The following PARD3B variants were observed in gnomAD, a reference collection of about 807,000 sequenced individuals.
PARD3B encodes the protein par-3 family cell polarity regulator beta, also known as partitioning defective 3 homolog B.
A neutral mutation model predicts 130.2 loss-of-function variants in PARD3B; 103 were observed. The ratio of observed to expected loss-of-function variants is 0.79; its 90% CI spans 0.67 to 0.93. The LOEUF (loss-of-function observed/expected upper bound fraction) is 0.93, where lower values mean the gene tolerates loss of function less well. Among genes scored for constraint, PARD3B ranks in the 40% least tolerant of loss-of-function variants. PARD3B has a pLI of 0.00. For missense variants in PARD3B, 1,609 were observed against 1,499.2 expected, an observed-to-expected ratio of 1.07 and a Z score of -1.21; for synonymous variants, 583 against 553.2, an observed-to-expected ratio of 1.05 and a Z score of -0.76.
rs564828469 is a variant in PARD3B at position 205,590,146 on chromosome 2, C to T, written c.3261-25310C>T. Among the ~76,000 whole-genome samples, 6 of 152,194 alleles carry T rather than the reference C, an allele frequency of 3.9e-5. No homozygotes were observed. The highest frequency in any genetic ancestry group is 2.1e-4 in the South Asian group (1 of 4,808). On this transcript the variant is annotated intron_variant, in intron 22 of 22. Transcript: ENST00000406610. This position sits in a 1 kb window ranked among gnomAD's most constrained non-coding sequence, Gnocchi z 4.1. ...TTATTGTTCTCTCTACATATTATTC[C>T]GATGCTTTATTTATCCAATACAGGA... is the stretch of plus-strand genomic sequence containing the variant.
At chr2:205,374,073 C>T (rs2044931983) in intron 18 of PARD3B, among the ~76,000 whole-genome samples, 1 of 151,510 alleles carries the variant, frequency 6.6e-6, no homozygotes, top group African/African-American at 2.4e-5. Flanking sequence ...ATGAGAAAGC[C>T]AGGAGGCTGA....
chr2:204,771,074 G>T (rs2041353457), intron 2 of PARD3B, among the ~76,000 whole-genome samples: 1 of 152,078 alleles, frequency 6.6e-6, no homozygotes, highest in Admixed American at 6.6e-5. Context: ...GAATAGCCTA[G>T]ACCCTCTTAA....
chr2:205,238,912 ATG>A (rs1352333089), intron 15 of PARD3B, among the ~76,000 whole-genome samples: 1 of 115,158 alleles, frequency 8.7e-6, no homozygotes, highest in Non-Finnish European at 1.8e-5. Flanking sequence ...ATATATATGT[ATG>A]TGTATATATA....
At chr2:205,511,721 T>G (rs1380767081) in intron 21 of PARD3B, among the ~76,000 whole-genome samples, 3 of 152,208 alleles carry the variant, frequency 2.0e-5, no homozygotes, top group African/African-American at 7.2e-5. Flanking sequence ...AGTGAAGATG[T>G]CTGGAGTCGA....
intron 2 of PARD3B, among the ~76,000 whole-genome samples, chr2:204,878,759 G>T (rs879353048): frequency 1.3e-5 from 2 of 152,176 alleles, no homozygotes; most frequent in Non-Finnish European, 2.9e-5. Flanking sequence ...GGAATGTGAA[G>T]TGGGTCCTGC....
intron 2 of PARD3B, among the ~76,000 whole-genome samples, chr2:204,724,522 T>C (rs1432750154): frequency 6.6e-6 from 1 of 152,174 alleles, no homozygotes; most frequent in African/African-American, 2.4e-5. Context: ...AATTTGCTTT[T>C]CACTGTTTTG....
chr2:204,823,124 C>T (rs1430182785), intron 2 of PARD3B, among the ~76,000 whole-genome samples: 1 of 152,004 alleles, frequency 6.6e-6, no homozygotes, highest in African/African-American at 2.4e-5. Flanking sequence ...TGTTATAGGA[C>T]AGTTGGTTAT....
rs971814361 is a variant in PARD3B, at chr2:205,499,599, G to A, written c.3045-297G>A. Among the ~76,000 whole-genome samples the A allele has an allele frequency of 2.0e-5, 3 of 152,022 alleles. No individual in the cohort carries two copies. The South Asian group carries it at 6.2e-4, about 32-fold the overall frequency. On this transcript the variant is annotated intron_variant, in intron 20 of 22. Coordinates refer to ENST00000406610, the MANE Select transcript of PARD3B (RefSeq NM_001302769.2). ...CAAAACTCTGTGTGTGTGATTATAA[G>A]AAAAAAGTGGTGGGCCTTTTAATTG...
At chr2:205,480,461 G>T (rs1200990716) in intron 20 of PARD3B, among the ~76,000 whole-genome samples, 1 of 152,154 alleles carries the variant, frequency 6.6e-6, no homozygotes, top group Non-Finnish European at 1.5e-5. Context: ...CTCTTCATTG[G>T]TTTGTGTATT....
intron 3 of PARD3B, among the ~76,000 whole-genome samples, chr2:205,030,165 G>C (rs918456104): frequency 2.0e-5 from 3 of 152,124 alleles, no homozygotes; most frequent in Non-Finnish European, 2.9e-5. Flanking sequence ...CCCACAGATT[G>C]AGAAAACCCT....
intron 2 of PARD3B, among the ~76,000 whole-genome samples, chr2:204,959,053 A>G (rs1690522616): frequency 1.3e-5 from 2 of 152,008 alleles, no homozygotes; most frequent in South Asian, 2.1e-4. Flanking sequence ...GCGGTTTGCT[A>G]TACCTATCAA....
chr2:204,762,668 G>A (rs1307421728), intron 2 of PARD3B, among the ~76,000 whole-genome samples: 9 of 151,534 alleles, frequency 5.9e-5, no homozygotes, highest in African/African-American at 2.2e-4. Context: ...TTTCCCATTT[G>A]TTATTGTTTT....
chr2:205,465,546 T>C (rs888800966), intron 20 of PARD3B, among the ~76,000 whole-genome samples: 1 of 152,250 alleles, frequency 6.6e-6, no homozygotes, highest in African/African-American at 2.4e-5. Context: ...AAACTTTCCT[T>C]GTGGGAAGTA....
rs55688873 is a variant in PARD3B, at chr2:204,838,349, ATGTGTGTGTG to A, written c.223-126771_223-126762del. On this transcript the variant is annotated intron_variant, in intron 2 of 22. Transcript: ENST00000406610. Reference sequence around the variant, plus strand: ...AGGCACCCGCCACCATACCTGGCTAATGTGTGTGTGTGTGTGTGTGTGTGTGTGTGTGTGT... The same window carrying A: ...AGGCACCCGCCACCATACCTGGCTAATGTGTGTGTGTGTGTGTGTGTGTGT... Among the ~76,000 whole-genome samples, 741 of 135,412 alleles carry A rather than the reference ATGTGTGTGTG, an allele frequency of 5.5e-3. 4 individuals are homozygous for A. The highest frequency in any genetic ancestry group is 6.6e-3 in the Non-Finnish European group (412 of 62,294). 88.8% of individuals were successfully genotyped at this position (135,412 alleles called of 152,430 possible). A position where few individuals can be genotyped will look rare whatever the true frequency, so the allele number is the denominator to read the frequency against.
intron 19 of PARD3B, among the ~76,000 whole-genome samples, chr2:205,437,589 A>G (rs1266226892): frequency 6.6e-6 from 1 of 152,174 alleles, no homozygotes; most frequent in Admixed American, 6.5e-5. Context: ...ATTATTTCAA[A>G]TTTAATTTTA....
At chr2:205,345,026 G>C (rs1285132740) in intron 18 of PARD3B, among the ~76,000 whole-genome samples, 1 of 152,104 alleles carries the variant, frequency 6.6e-6, no homozygotes, top group African/African-American at 2.4e-5. Context: ...CATAACCATG[G>C]AGCTGAAAAC....
At chr2:205,051,204 C>G (rs555193644) in intron 4 of PARD3B, among the ~76,000 whole-genome samples, 4 of 151,744 alleles carry the variant, frequency 2.6e-5, no homozygotes, top group Admixed American at 2.6e-4. Flanking sequence ...TTGTACTTGG[C>G]GCTTCCTTCA....
chr2:205,539,903 T>C (rs2052046414), intron 21 of PARD3B, among the ~76,000 whole-genome samples: 1 of 152,178 alleles, frequency 6.6e-6, no homozygotes, highest in Non-Finnish European at 1.5e-5. Context: ...AGTATGAGGC[T>C]TTGATGTAGC....
rs1217774692 is a variant in PARD3B at position 205,059,987 on chromosome 2, AGAC to A, written c.504+12303_504+12305del. 2.0e-5 allele frequency among the ~76,000 whole-genome samples: 3 copies of A among 152,196 alleles called. No homozygotes were observed. The East Asian group carries it at 5.8e-4, about 29-fold the overall frequency. ...TTCAGCTTTATTGCCTCCATTTTAC[AGAC>A]GACGAAGTTCAGGCTCAAACGAGTT... is the stretch of plus-strand genomic sequence containing the variant. On this transcript the variant is annotated intron_variant, in intron 4 of 22. Transcript: ENST00000406610.
Sources: gnomAD v4.1 joint callset for allele counts (sites outside exome capture counted in the v4.1 genomes callset) on GRCh38, gnomAD v4.1.1 for gene constraint, Gnocchi (gnomAD v3.1) non-coding constraint, MANE v1.5 for transcripts, NCBI Gene and HGNC (gene_info 2026-07-23, HGNC 2026-07-21) for gene names.